Variants in DAB1 observed in about 807,000 individuals in gnomAD.
The protein encoded by DAB1 is DAB adaptor protein 1.
Under a neutral mutation model 64.6 loss-of-function variants are expected in DAB1, and 15 were observed. That is an observed-to-expected ratio of 0.23 (90% CI 0.16 to 0.36). DAB1 has a LOEUF of 0.36. Among genes scored for constraint, DAB1 ranks in the 10% least tolerant of loss-of-function variants. The probability of loss-of-function intolerance (pLI) is 1.00; values close to 1 mark genes in which losing one functional copy is unlikely to be tolerated. For missense variants in DAB1, 596 were observed against 706.7 expected (o/e 0.84, Z 1.78); for synonymous variants, 235 against 251.9 (o/e 0.93, Z 0.64).
At chr1:58,023,175 A>G (rs1216354883) in intron 5 of DAB1, among the ~76,000 whole-genome samples, 1 of 125,620 alleles carries the variant, frequency 8.0e-6, no homozygotes, top group Non-Finnish European at 1.7e-5. Flanking sequence ...ATACAATAAA[A>G]TCTTACAAAA....
intron 7 of DAB1, among the ~76,000 whole-genome samples, chr1:57,500,191 C>A (rs920361946): frequency 2.6e-5 from 4 of 152,150 alleles, no homozygotes; most frequent in Non-Finnish European, 1.5e-5. Context: ...TAAAGAGATG[C>A]TATATCTCCC....
chr1:57,836,144 A>G (rs1385922536), intron 1 of DAB1, among the ~76,000 whole-genome samples: 2 of 152,234 alleles, frequency 1.3e-5, no homozygotes, highest in Non-Finnish European at 2.9e-5. Flanking sequence ...ACTGCACTTG[A>G]TGTCTAATGA....
In DAB1 at chr1:57,273,663, G is replaced by T. The variant is rs1022088932; in HGVS notation, c.67+17301C>A. Among the ~76,000 whole-genome samples, 15 of 128,356 alleles carry T rather than the reference G, an allele frequency of 1.2e-4. No individual in the cohort carries two copies. The Admixed American group carries it at 1.2e-3, about 10-fold the overall frequency. The allele number at this position is 128,356 out of a possible 152,430, so 84.2% of individuals were successfully genotyped here. A position where few individuals can be genotyped will look rare whatever the true frequency, so the allele number is the denominator to read the frequency against. ...CCCTCCCTCCCTGTCTTCTCCACTC[G>T]AGTCAAACATGCATTGTGGTCTGAT... On this transcript the variant is annotated intron_variant, in intron 2 of 14. Transcript: ENST00000371236.
At chr1:57,649,000 A>G (rs138008044) in intron 7 of DAB1, among the ~76,000 whole-genome samples, 15 of 152,208 alleles carry the variant, frequency 9.9e-5, no homozygotes, top group South Asian at 6.2e-4. Context: ...GGCGTTTTCA[A>G]TTGTGGATTC....
chr1:58,161,069 T>C (rs684099), intron 4 of DAB1, among the ~76,000 whole-genome samples: 1 of 152,162 alleles, frequency 6.6e-6, no homozygotes, highest in Non-Finnish European at 1.5e-5. Flanking sequence ...TGTTATAACC[T>C]AGGCAGGAAG....
At chr1:57,036,115 AT>A (rs10714782) in intron 9 of DAB1, among the ~76,000 whole-genome samples, 71,579 of 151,434 alleles carry the variant, frequency 0.47, 17,268 homozygotes, top group African/African-American at 0.57. Context: ...CAATGCACAT[AT>A]TTTTTTAATG....
At chr1:57,842,873 T>C (rs1653117481) in intron 1 of DAB1, among the ~76,000 whole-genome samples, 1 of 152,184 alleles carries the variant, frequency 6.6e-6, no homozygotes, top group Non-Finnish European at 1.5e-5. Flanking sequence ...TCAGAACATT[T>C]ATATTAGTGT....
At chr1:57,754,645 G>A (rs544204896) in intron 6 of DAB1, among the ~76,000 whole-genome samples, 2 of 150,854 alleles carry the variant, frequency 1.3e-5, no homozygotes, top group South Asian at 4.3e-4. Context: ...AGCTGAGAGT[G>A]TGCCATTGCA....
chr1:57,258,009 GA>G (rs1195292797), intron 2 of DAB1, among the ~76,000 whole-genome samples: 3 of 152,210 alleles, frequency 2.0e-5, no homozygotes, highest in Non-Finnish European at 4.4e-5. Context: ...AGGTTCTGGG[GA>G]TTAGAATAGG....
At chr1:58,319,055 T>C (rs1662622201) in intron 4 of DAB1, among the ~76,000 whole-genome samples, 1 of 152,034 alleles carries the variant, frequency 6.6e-6, no homozygotes, top group Non-Finnish European at 1.5e-5. Context: ...GTGAGAGGAA[T>C]TGAGAAGAGC....
At chr1:57,695,308 GA>G (rs1646815117) in intron 6 of DAB1, among the ~76,000 whole-genome samples, 1 of 96,732 alleles carries the variant, frequency 1.0e-5, no homozygotes, top group Non-Finnish European at 2.0e-5. Context: ...AGGAAAGAAA[GA>G]AAGAAAGAAA....
At chr1:57,056,554 A>G (rs1483948580) in intron 9 of DAB1, among the ~76,000 whole-genome samples, 2 of 151,904 alleles carry the variant, frequency 1.3e-5, no homozygotes, top group Admixed American at 6.6e-5. Context: ...ACAAATTTCA[A>G]ATTTGTGGTT....
At chr1:58,059,063 C>G (rs1376230699) in intron 5 of DAB1, among the ~76,000 whole-genome samples, 2 of 152,218 alleles carry the variant, frequency 1.3e-5, no homozygotes, top group African/African-American at 4.8e-5. Context: ...CAGTGAAGGT[C>G]TCAGCCCCAC....
At chr1:57,881,822 A>G (rs567655421) in intron 1 of DAB1, among the ~76,000 whole-genome samples, 1 of 152,294 alleles carries the variant, frequency 6.6e-6, no homozygotes, top group East Asian at 1.9e-4. Flanking sequence ...TCTTTCACCC[A>G]CTGTGCTCAT....
rs1033584650 is a variant in DAB1 at position 57,057,890 on chromosome 1, G to T, written c.723+4994C>A. ...CCCAAAGTGCTGGGATTACAGGCAT[G>T]AGCCACCGCGCCCGGCCTACTGATT... On this transcript the variant is annotated intron_variant, in intron 9 of 14. Transcript: ENST00000371236. Among the ~76,000 whole-genome samples, 4 of 152,096 alleles carry T rather than the reference G, an allele frequency of 2.6e-5. No individual in the cohort carries two copies. In the South Asian group the frequency reaches 8.3e-4, roughly 32 times the overall value.
chr1:57,879,742 A>G (rs1209113751), intron 1 of DAB1, among the ~76,000 whole-genome samples: 1 of 152,108 alleles, frequency 6.6e-6, no homozygotes, highest in African/African-American at 2.4e-5. Flanking sequence ...CCTAAGCAGG[A>G]TTCACTCTGC....
intron 3 of DAB1, among the ~76,000 whole-genome samples, chr1:58,487,597 T>C (rs1037238390): frequency 1.3e-5 from 2 of 152,216 alleles, no homozygotes; most frequent in Non-Finnish European, 2.9e-5. Flanking sequence ...CCATCAGGGC[T>C]AGGCGTCCTT....
At chr1:57,497,502 A>G (rs1644244372) in intron 7 of DAB1, among the ~76,000 whole-genome samples, 1 of 152,236 alleles carries the variant, frequency 6.6e-6, no homozygotes, top group Non-Finnish European at 1.5e-5. Flanking sequence ...TAGTCTAGTG[A>G]TGGATGTAGA....
intron 4 of DAB1, among the ~76,000 whole-genome samples, chr1:58,333,091 G>A (rs1330121687): frequency 1.3e-5 from 2 of 152,088 alleles, no homozygotes; most frequent in Non-Finnish European, 2.9e-5. Context: ...TGTATTTTTA[G>A]TAGAGACAGG....
Sources: allele counts gnomAD v4.1 joint callset (sites outside exome capture counted in the v4.1 genomes callset), GRCh38; gene constraint gnomAD v4.1.1; transcripts MANE v1.5; gene names NCBI Gene and HGNC (gene_info 2026-07-23, HGNC 2026-07-21).